Variants in SAP30L observed in about 807,000 individuals in gnomAD.
The protein encoded by SAP30L is histone deacetylase complex subunit SAP30L.
In SAP30L, 10 loss-of-function variants were observed where a neutral mutation model predicts 22.3. The observed-to-expected ratio is 0.45, with a 90% CI of 0.28 to 0.76. The LOEUF (loss-of-function observed/expected upper bound fraction) is 0.76, where lower values mean the gene tolerates loss of function less well. Ranked by LOEUF, SAP30L falls within the 30% of genes least tolerant of loss-of-function variation. The pLI is 0.14. For missense variants in SAP30L, 206 were observed against 237.9 expected, an observed-to-expected ratio of 0.87 and a Z score of 0.88; for synonymous variants, 91 against 94.1, an observed-to-expected ratio of 0.97 and a Z score of 0.19.
chr5:154,458,839 C>T lies in SAP30L; in HGVS notation c.*2811C>T, dbSNP rs1205914554. 1 of 152,148 alleles carries T rather than the reference C, an allele frequency of 6.6e-6. No homozygotes were observed. Among genetic ancestry groups the T allele is most frequent in the African/African-American group, 2.4e-5 (1 of 41,448 alleles). 9.4% of individuals were successfully genotyped at this position (152,148 alleles called of 1,614,324 possible). On this transcript the variant is annotated 3_prime_UTR_variant, in exon 4 of 4. Coordinates refer to ENST00000297109, the MANE Select transcript of SAP30L (RefSeq NM_024632.6). Reference sequence around the variant, plus strand: ...GGCAACAGCATATAAAAAAAAAGATCACAGCTGAATCTCATGAAAGATTAA... The same window carrying T: ...GGCAACAGCATATAAAAAAAAAGATTACAGCTGAATCTCATGAAAGATTAA...
chr5:154,451,230 C>T lies in SAP30L; in HGVS notation c.324+17C>T, dbSNP rs2113273025. ...ATTCCTGAGGTAAAGGTCAAAGAAA[C>T]CAGTTGCGGAAGCTGGAAGAATGGA... On this transcript the variant is annotated intron_variant, in intron 2 of 3. Coordinates refer to ENST00000297109, the MANE Select transcript of SAP30L (RefSeq NM_024632.6). The T allele has an allele frequency of 6.2e-7, 1 of 1,609,350 alleles. No homozygotes were observed. The highest frequency in any genetic ancestry group is 8.5e-7 in the Non-Finnish European group (1 of 1,178,042).
At chr5:154,453,198 G>A in intron 2 of SAP30L, 1 of 492,812 alleles carries the variant, frequency 2.0e-6, no homozygotes, top group East Asian at 3.2e-5. Flanking sequence ...TGTGAGATCA[G>A]CCCACCCCAG....
intron 1 of SAP30L, 59 bp from the exon 2 acceptor site, chr5:154,451,032 T>TA: frequency 5.0e-6 from 8 of 1,591,742 alleles, no homozygotes. Context: ...ATTCGACAGA[T>TA]ACCTATTGCT....
chr5:154,447,268 G>A (rs1277608377), intron 1 of SAP30L, among the ~76,000 whole-genome samples: 1 of 152,250 alleles, frequency 6.6e-6, no homozygotes, highest in Non-Finnish European at 1.5e-5. Context: ...TATCAGCAGA[G>A]GGTCACCGAG....
chr5:154,451,986 T>A (rs1757151192), intron 2 of SAP30L, among the ~76,000 whole-genome samples: 1 of 152,218 alleles, frequency 6.6e-6, no homozygotes, highest in Non-Finnish European at 1.5e-5. Context: ...ACTGGAAGGC[T>A]GCCTTCCCTT....
At position 154,450,618 on chromosome 5, in the gene SAP30L, C is replaced by G. The variant is rs565588504; in HGVS notation, c.202-473C>G. Among the ~76,000 whole-genome samples, 7 of 152,280 alleles carry G rather than the reference C, an allele frequency of 4.6e-5. No homozygotes were observed. In the South Asian group the frequency reaches 6.2e-4, roughly 14 times the overall value. On this transcript the variant is annotated intron_variant, in intron 1 of 3. Coordinates refer to ENST00000297109, the MANE Select transcript of SAP30L (RefSeq NM_024632.6). ...TCTAAGCTGTTCTCATGCCCACCCC[C>G]CTGATGCCTCACTTTTTCATTATGC...
chr5:154,456,032 T>A lies in SAP30L; in HGVS notation c.*4T>A. 1 of 1,613,368 alleles carries A rather than the reference T, an allele frequency of 6.2e-7. No homozygotes were observed. On this transcript the variant is annotated 3_prime_UTR_variant, in exon 4 of 4. Transcript: ENST00000297109. ...GGGTGGCAAGCAGCTTGAGTGAGGA[T>A]GAAGCACATCTTAAAGGAATGAAGT...
chr5:154,458,032 T>A lies in SAP30L; in HGVS notation c.*2004T>A, dbSNP rs1051372802. 3.3e-5 allele frequency: 5 copies of A among 152,202 alleles called. No homozygotes were observed. Among genetic ancestry groups the A allele is most frequent in the Non-Finnish European group, 5.9e-5 (4 of 68,032 alleles). The allele number at this position is 152,202 out of a possible 1,614,324, so 9.4% of individuals were successfully genotyped here. On this transcript the variant is annotated 3_prime_UTR_variant, in exon 4 of 4. Transcript: ENST00000297109. Reference sequence around the variant, plus strand: ...TGTGGGCGTGTAGGTCACATCACTATTTCTTTAGCAGCAAATCTGTTTTCC... The same window carrying A: ...TGTGGGCGTGTAGGTCACATCACTAATTCTTTAGCAGCAAATCTGTTTTCC...
At chr5:154,451,761 G>C (rs932357008) in intron 2 of SAP30L, among the ~76,000 whole-genome samples, 1 of 152,078 alleles carries the variant, frequency 6.6e-6, no homozygotes, top group African/African-American at 2.4e-5. Flanking sequence ...GTTGACATTT[G>C]GGGTCAGCTA....
At position 154,459,217 on chromosome 5, in the gene SAP30L, G is replaced by T. The variant is rs1295586860; in HGVS notation, c.*3189G>T. Reference sequence around the variant, plus strand: ...GCGCTCTCAGTCATTACAATGACAGGATCTCAAAGTTGGGAAAGGGCTGTT... The same window carrying T: ...GCGCTCTCAGTCATTACAATGACAGTATCTCAAAGTTGGGAAAGGGCTGTT... On this transcript the variant is annotated 3_prime_UTR_variant, in exon 4 of 4. Transcript: ENST00000297109. 1 of 152,268 alleles carries T rather than the reference G, an allele frequency of 6.6e-6. No individual in the cohort carries two copies. Among genetic ancestry groups the T allele is most frequent in the Non-Finnish European group, 1.5e-5 (1 of 68,074 alleles). The allele number at this position is 152,268 out of a possible 1,614,324, so 9.4% of individuals were successfully genotyped here.
rs1347860794 is a variant in SAP30L at position 154,456,441 on chromosome 5, C to A, written c.*413C>A. 6.1e-6 allele frequency: 1 copy of A among 163,120 alleles called. No homozygotes were observed. The highest frequency in any genetic ancestry group is 2.4e-5 in the African/African-American group (1 of 41,576). The allele number at this position is 163,120 out of a possible 1,614,324, so 10.1% of individuals were successfully genotyped here. The stretch of plus-strand genomic sequence containing the variant: ...ATGAGCAGACCCACATCTGGACTTG[C>A]ATGCTGCCCGCTGGCGACATAGATA... On this transcript the variant is annotated 3_prime_UTR_variant, in exon 4 of 4. Coordinates refer to ENST00000297109, the MANE Select transcript of SAP30L (RefSeq NM_024632.6).
chr5:154,451,161 A>C lies in SAP30L; in HGVS notation c.272A>C (p.Lys91Thr), dbSNP rs910160605. 6.2e-7 allele frequency: 1 copy of C among 1,614,090 alleles called. No individual in the cohort carries two copies. Among genetic ancestry groups the C allele is most frequent in the Admixed American group, 1.7e-5 (1 of 60,000 alleles). Residue 91 changes from lysine (K) to threonine (T), a missense_variant, in exon 2 of 4, where the codon AAG (lysine) becomes ACG (threonine). Transcript: ENST00000297109. ...AGTGTCCGAAATAAAAGGAAGAGGA[A>C]GACAAGTGACGATGGCGGAGATTCT... Reference protein sequence around the residue: ...IQSVRNKRKRKTSDDGGDSPE... With the variant: ...IQSVRNKRKRTTSDDGGDSPE...
chr5:154,450,508 A>G (rs1301497236), intron 1 of SAP30L, among the ~76,000 whole-genome samples: 2 of 152,180 alleles, frequency 1.3e-5, no homozygotes, highest in East Asian at 1.9e-4. Context: ...CCAGTCGACT[A>G]TAAGTTTATG....
intron 1 of SAP30L, among the ~76,000 whole-genome samples, chr5:154,449,229 C>T (rs2113269433): frequency 6.6e-6 from 1 of 152,174 alleles, no homozygotes; most frequent in East Asian, 1.9e-4. Flanking sequence ...ACTAATATAC[C>T]TCCAGTTGAC....
intron 1 of SAP30L, among the ~76,000 whole-genome samples, chr5:154,448,707 A>G (rs1757077392): frequency 1.3e-5 from 2 of 152,290 alleles, no homozygotes; most frequent in Non-Finnish European, 2.9e-5. Context: ...CATTGACTGT[A>G]CTGGAAAACC....
In SAP30L at chr5:154,451,110, G is replaced by T; in HGVS notation, c.221G>T (p.Cys74Phe). Residue 74 changes from cysteine (C) to phenylalanine (F), a missense_variant, in exon 2 of 4, where the codon TGT becomes TTT. This residue lies in a region of SAP30L where 136 missense variants were observed against 187.4 expected (regional missense o/e 0.73). Transcript: ENST00000297109. ...IDKSVRHLYICDFHKNFIQSV... is the reference protein window; with the variant it reads ...IDKSVRHLYIFDFHKNFIQSV... ...CATCAGGTAAGGCACCTATATATCT[G>T]TGATTTTCACAAAAATTTCATCCAG... 6.2e-7 allele frequency: 1 copy of T among 1,614,062 alleles called. No homozygotes were observed.
At chr5:154,452,365 CA>C (rs34765495) in intron 2 of SAP30L, 11,964 of 227,796 alleles carry the variant, frequency 0.053, 1 homozygote, top group Non-Finnish European at 0.072. Flanking sequence ...TGGTTTTCAC[CA>C]AAAAAAAAAA....
chr5:154,453,796 G>A (rs937058951), intron 3 of SAP30L, among the ~76,000 whole-genome samples: 11 of 152,188 alleles, frequency 7.2e-5, no homozygotes, highest in Non-Finnish European at 1.6e-4. Flanking sequence ...AGTCCTGAGT[G>A]TTCATTTGTT....
At chr5:154,449,410 G>A (rs535701069) in intron 1 of SAP30L, among the ~76,000 whole-genome samples, 1 of 152,222 alleles carries the variant, frequency 6.6e-6, no homozygotes, top group Admixed American at 6.5e-5. Context: ...AAACGGATTG[G>A]GGTCAATGGG....
Sources: gnomAD v4.1 joint callset for allele counts (sites outside exome capture counted in the v4.1 genomes callset) on GRCh38, gnomAD v4.1.1 for gene constraint, gnomAD v4.1.1 regional missense constraint, MANE v1.5 for transcripts, NCBI Gene and HGNC (gene_info 2026-07-23, HGNC 2026-07-21) for gene names.